COBLL1: variants seen among roughly 807,000 people sequenced by gnomAD.
COBLL1 encodes cordon-bleu WH2 repeat protein like 1.
A neutral mutation model predicts 94.8 loss-of-function variants in COBLL1; 50 were observed. That is an observed-to-expected ratio of 0.53 (90% CI 0.42 to 0.67). The LOEUF (loss-of-function observed/expected upper bound fraction) is 0.67, where lower values mean the gene tolerates loss of function less well. COBLL1 is among the 30% of genes least tolerant of loss of function. The probability of loss-of-function intolerance (pLI) is 0.00; values close to 1 mark genes in which losing one functional copy is unlikely to be tolerated. For synonymous variants in COBLL1, 448 were observed against 473.8 expected (o/e 0.95, Z 0.71); for missense variants, 1,362 against 1,348.7 (o/e 1.01, Z -0.15).
At chr2:164,724,801 T>C (rs1470665804) in intron 5 of COBLL1, 1 of 152,064 alleles carries the variant, frequency 6.6e-6, no homozygotes, top group Admixed American at 6.6e-5. Context: ...AAAGGAAAGC[T>C]AGTTAACACC....
intron 2 of COBLL1, among the ~76,000 whole-genome samples, chr2:164,780,062 G>GTTA (rs1427804895): frequency 1.3e-5 from 2 of 152,150 alleles, no homozygotes; most frequent in Admixed American, 1.3e-4. Context: ...CAAGCAAAGT[G>GTTA]TTAACTTTAC....
intron 13 of COBLL1, among the ~76,000 whole-genome samples, chr2:164,688,206 G>A (rs1452628080): frequency 2.0e-5 from 3 of 152,000 alleles, no homozygotes; most frequent in Non-Finnish European, 4.4e-5. Context: ...TATCAAGAAT[G>A]GTTATTTTTG....
At position 164,746,932 on chromosome 2, in the gene COBLL1, T is replaced by C. The variant is rs545321726; in HGVS notation, c.42-3057A>G. Among the ~76,000 whole-genome samples the C allele has an allele frequency of 5.3e-5, 8 of 152,262 alleles. No individual in the cohort carries two copies. In the East Asian group the frequency reaches 1.4e-3, roughly 26 times the overall value. ...ACAGGGTTAATGAGCAACATACTTA[T>C]GTCTCCTTCTGTTAAAGGGTAATTA... On this transcript the variant is annotated intron_variant, in intron 2 of 13. Coordinates refer to ENST00000652658, the MANE Select transcript of COBLL1 (RefSeq NM_001365672.2).
intron 3 of COBLL1, chr2:164,738,367 C>T (rs1686422285): frequency 6.6e-6 from 1 of 152,206 alleles, no homozygotes; most frequent in Non-Finnish European, 1.5e-5. Context: ...TGATACCCGA[C>T]TATAAGATGA....
intron 2 of COBLL1, among the ~76,000 whole-genome samples, chr2:164,820,345 G>A (rs955572761): frequency 6.6e-6 from 1 of 151,890 alleles, no homozygotes; most frequent in African/African-American, 2.4e-5. Context: ...TCAGCCTCCT[G>A]AGTAGCTGGG....
intron 1 of COBLL1, among the ~76,000 whole-genome samples, chr2:164,672,013 C>T (rs948458527): frequency 6.6e-6 from 1 of 152,104 alleles, no homozygotes; most frequent in Non-Finnish European, 1.5e-5. Context: ...CTTTCCTTAC[C>T]GAAAGTCTCA....
rs757148385 is a variant in COBLL1, at chr2:164,694,626, C to T, written c.2766G>A (p.Met922Ile). Residue 922 changes from methionine (M) to isoleucine (I), a missense_variant, in exon 12 of 14, where the codon ATG (methionine) becomes ATA (isoleucine). Transcript: ENST00000652658. ...PEQTLSPLSK[M>I]PHSVPQPLVE... ...CAAGGGGTTGTGGAACAGAGTGAGGCATTTTACTTAAGGGAGAAAGAGTCT... is the reference window on the plus strand; with the variant it reads ...CAAGGGGTTGTGGAACAGAGTGAGGTATTTTACTTAAGGGAGAAAGAGTCT... 1 of 1,613,808 alleles carries T rather than the reference C, an allele frequency of 6.2e-7. No homozygotes were observed. Among genetic ancestry groups the T allele is most frequent in the Admixed American group, 1.7e-5 (1 of 59,932 alleles).
chr2:164,828,909 C>G (rs1341512407), intron 2 of COBLL1, among the ~76,000 whole-genome samples: 1 of 152,084 alleles, frequency 6.6e-6, no homozygotes, highest in South Asian at 2.1e-4. Context: ...TTGGACGGTG[C>G]TAGTTTAGAA....
chr2:164,691,426 A>G (rs1197043356), intron 13 of COBLL1, among the ~76,000 whole-genome samples: 2 of 152,176 alleles, frequency 1.3e-5, no homozygotes, highest in African/African-American at 2.4e-5. Context: ...AGTTAATGGA[A>G]TAATAAGTAC....
At chr2:164,701,875 C>G (rs1366309524) in intron 9 of COBLL1, among the ~76,000 whole-genome samples, 1 of 64,342 alleles carries the variant, frequency 1.6e-5, no homozygotes, top group Non-Finnish European at 2.8e-5. Flanking sequence ...AATTTTATCC[C>G]AAGGCTGGGG....
At chr2:164,758,760 G>A (rs544343549) in intron 2 of COBLL1, among the ~76,000 whole-genome samples, 52 of 151,386 alleles carry the variant, frequency 3.4e-4, no homozygotes, top group Non-Finnish European at 6.6e-4. Context: ...AGTATAAAAG[G>A]CCTTATTACA....
At chr2:164,727,639 T>C (rs1377644752) in intron 5 of COBLL1, among the ~76,000 whole-genome samples, 4 of 151,220 alleles carry the variant, frequency 2.6e-5, no homozygotes, top group Admixed American at 2.0e-4. Flanking sequence ...TGTAAATTTT[T>C]ATTTTCTGTT....
rs542453186 is a variant in COBLL1, at chr2:164,761,101, T to C, written c.42-17226A>G. Among the ~76,000 whole-genome samples the C allele has an allele frequency of 3.3e-5, 5 of 152,276 alleles. No individual in the cohort carries two copies. In the South Asian group the frequency reaches 1.0e-3, roughly 32 times the overall value. On this transcript the variant is annotated intron_variant, in intron 2 of 13. Coordinates refer to ENST00000652658, the MANE Select transcript of COBLL1 (RefSeq NM_001365672.2). ...CAGCAAAAGACATGCAATGATGTTA[T>C]GGATCTATTTAATAATGCAAATACT...
chr2:164,718,454 A>G (rs576124603), intron 7 of COBLL1, among the ~76,000 whole-genome samples: 20 of 152,306 alleles, frequency 1.3e-4, no homozygotes, highest in African/African-American at 4.3e-4. Context: ...GTAAAGTATA[A>G]CATGCATGTA....
chr2:164,837,787 C>T (rs1469047911), intron 2 of COBLL1, among the ~76,000 whole-genome samples: 2 of 152,142 alleles, frequency 1.3e-5, no homozygotes, highest in Non-Finnish European at 2.9e-5. Flanking sequence ...GACTCAATGT[C>T]TTTTGATATC....
chr2:164,814,534 G>A (rs529811188), intron 2 of COBLL1, among the ~76,000 whole-genome samples: 58 of 152,134 alleles, frequency 3.8e-4, no homozygotes, highest in African/African-American at 1.3e-3. Flanking sequence ...TTCCATATAC[G>A]TTTATCTCAA....
At chr2:164,671,724 A>ATT (rs879678825) in intron 1 of COBLL1, among the ~76,000 whole-genome samples, 2 of 144,588 alleles carry the variant, frequency 1.4e-5, no homozygotes. Context: ...CGTTATGAAG[A>ATT]TTTTTTTTTT....
intron 2 of COBLL1, among the ~76,000 whole-genome samples, chr2:164,784,403 T>C (rs754344294): frequency 3.3e-5 from 5 of 152,198 alleles, no homozygotes; most frequent in African/African-American, 4.8e-5. Flanking sequence ...CTTTAAGGCA[T>C]AATTTGTAGA....
At chr2:164,667,295 C>A (rs1008746507) in intron 1 of COBLL1, among the ~76,000 whole-genome samples, 2 of 152,038 alleles carry the variant, frequency 1.3e-5, no homozygotes, top group African/African-American at 2.4e-5. Flanking sequence ...TGAGCACAGG[C>A]ACAGTAGATA....
Sources: allele counts gnomAD v4.1 joint callset (sites outside exome capture counted in the v4.1 genomes callset), GRCh38; gene constraint gnomAD v4.1.1; transcripts MANE v1.5; gene names NCBI Gene and HGNC (gene_info 2026-07-23, HGNC 2026-07-21).